The following SLC24A2 variants were observed in gnomAD, a reference collection of about 807,000 sequenced individuals.
SLC24A2 encodes the protein solute carrier family 24 member 2.
In SLC24A2, 36 loss-of-function variants were observed where a neutral mutation model predicts 62.0. That is an observed-to-expected ratio of 0.58 (90% CI 0.44 to 0.77). SLC24A2 has a LOEUF of 0.77. Ranked by LOEUF, SLC24A2 falls within the 30% of genes least tolerant of loss-of-function variation. The probability of loss-of-function intolerance (pLI) is 0.00; values close to 1 mark genes in which losing one functional copy is unlikely to be tolerated. For synonymous variants in SLC24A2, 358 were observed against 294.0 expected (o/e 1.22, Z -2.23); for missense variants, 846 against 817.9 (o/e 1.03, Z -0.42).
At chr9:19,895,515 T>C in the SLC24A2 span, among the ~76,000 whole-genome samples, 1 of 148,480 alleles carries the variant, frequency 6.7e-6, no homozygotes, top group Non-Finnish European at 1.5e-5. Flanking sequence ...ATCTAACACA[T>C]TCCCCTGCCC....
intron 2 of SLC24A2, among the ~76,000 whole-genome samples, chr9:19,730,950 G>T (rs1457357440): frequency 4.0e-5 from 6 of 151,472 alleles, no homozygotes; most frequent in African/African-American, 1.5e-4. Context: ...TCAAGCACCT[G>T]ACCTACTTAA....
chr9:19,951,204 T>C, the SLC24A2 span, among the ~76,000 whole-genome samples: 1 of 151,198 alleles, frequency 6.6e-6, no homozygotes, highest in East Asian at 1.9e-4. Flanking sequence ...TTCTTTAAGA[T>C]TGTATTGTTG....
the SLC24A2 span, among the ~76,000 whole-genome samples, chr9:20,098,657 C>T: frequency 6.6e-6 from 1 of 152,214 alleles, no homozygotes; most frequent in Admixed American, 6.5e-5. Context: ...TGGAAGGAAA[C>T]ATTCAGACCC....
the SLC24A2 span, among the ~76,000 whole-genome samples, chr9:20,172,038 C>A: frequency 6.6e-6 from 1 of 151,884 alleles, no homozygotes; most frequent in Admixed American, 6.6e-5. Flanking sequence ...GTGGAATAAA[C>A]CTGGAAATGA....
rs754058300 is a variant in SLC24A2, at chr9:19,786,165, T to C, written c.702A>G (p.Thr234=). 3 of 1,614,062 alleles carry C rather than the reference T, an allele frequency of 1.9e-6. No individual in the cohort carries two copies. The highest frequency in any genetic ancestry group is 2.2e-5 in the East Asian group (1 of 44,898). ...ACACATCTCGAAAGAGCGGCCACCA[T>C]GTCAGGTTTAAGATTTCTCTAGAAA... ...ALFSREILNL[T]WWPLFRDVSF... Residue 234 remains threonine, a synonymous_variant, in exon 2 of 11, where the codon ACA becomes ACG. Coordinates refer to ENST00000341998, the MANE Select transcript of SLC24A2 (RefSeq NM_020344.4). This position sits in a 1 kb window ranked among gnomAD's most constrained non-coding sequence, Gnocchi z 5.0.
the SLC24A2 span, among the ~76,000 whole-genome samples, chr9:20,052,916 C>T: frequency 1.1e-4 from 17 of 152,154 alleles, no homozygotes; most frequent in Non-Finnish European, 2.2e-4. Flanking sequence ...GACATCCAAT[C>T]GCCCTATGTT....
At chr9:19,804,444 G>A in the SLC24A2 span, among the ~76,000 whole-genome samples, 1 of 151,920 alleles carries the variant, frequency 6.6e-6, no homozygotes, top group African/African-American at 2.4e-5. Context: ...CCTAATTTCA[G>A]TTTTCAATTT....
chr9:19,885,804 G>A, the SLC24A2 span, among the ~76,000 whole-genome samples: 134 of 152,132 alleles, frequency 8.8e-4, 2 homozygotes, highest in South Asian at 7.1e-3. Flanking sequence ...ATCTACCCAC[G>A]TGTTCTCATT....
the SLC24A2 span, among the ~76,000 whole-genome samples, chr9:20,167,252 T>G: frequency 6.6e-6 from 1 of 152,210 alleles, no homozygotes; most frequent in South Asian, 2.1e-4. Flanking sequence ...CAAGCAAATC[T>G]TGAACTCTTT....
the SLC24A2 span, among the ~76,000 whole-genome samples, chr9:20,259,334 G>A: frequency 2.3e-4 from 35 of 152,222 alleles, no homozygotes; most frequent in East Asian, 3.9e-3. Context: ...GAAAATTAAT[G>A]CACACAGATA....
At chr9:19,543,408 G>A (rs1175972064) in intron 8 of SLC24A2, among the ~76,000 whole-genome samples, 23 of 142,658 alleles carry the variant, frequency 1.6e-4, no homozygotes, top group Admixed American at 1.5e-3. Flanking sequence ...TTTTTTTGAA[G>A]GGTTTTTCAT....
chr9:20,199,915 G>A, the SLC24A2 span, among the ~76,000 whole-genome samples: 9 of 130,502 alleles, frequency 6.9e-5, no homozygotes, highest in African/African-American at 2.1e-4. Context: ...TATTTTTATA[G>A]AGACAGGGTT....
chr9:19,600,895 A>G lies in SLC24A2; in HGVS notation c.1079-3616T>C, dbSNP rs375107347. ...GTTTCTGAAAAGGATTTTTAAAGAA[A>G]AACAATAAGCAACCTAGACAAGAGA... On this transcript the variant is annotated intron_variant, in intron 4 of 10. Coordinates refer to ENST00000341998, the MANE Select transcript of SLC24A2 (RefSeq NM_020344.4). Among the ~76,000 whole-genome samples, 6 of 152,216 alleles carry G rather than the reference A, an allele frequency of 3.9e-5. No homozygotes were observed. In the East Asian group the frequency reaches 9.6e-4, roughly 24 times the overall value.
At chr9:20,022,065 T>C in the SLC24A2 span, among the ~76,000 whole-genome samples, 7 of 152,192 alleles carry the variant, frequency 4.6e-5, no homozygotes, top group East Asian at 1.3e-3. Flanking sequence ...ACCAGATACA[T>C]TTTTCCTTCT....
chr9:20,127,058 T>C, the SLC24A2 span, among the ~76,000 whole-genome samples: 1 of 152,080 alleles, frequency 6.6e-6, no homozygotes, highest in South Asian at 2.1e-4. Context: ...TCTTGCCTTC[T>C]CCCCCTTTTC....
At chr9:19,634,026 G>C (rs1818246225) in intron 2 of SLC24A2, among the ~76,000 whole-genome samples, 1 of 152,024 alleles carries the variant, frequency 6.6e-6, no homozygotes, top group South Asian at 2.1e-4. Flanking sequence ...CTGGTGTTGG[G>C]AGCTGAATAT....
chr9:19,673,444 CGT>C (rs58616827), intron 2 of SLC24A2, among the ~76,000 whole-genome samples: 3,859 of 129,756 alleles, frequency 0.03, 504 homozygotes, highest in East Asian at 0.093. Context: ...TGTGTGTGTG[CGT>C]GTGTGTGTGT....
At chr9:20,003,924 G>A in the SLC24A2 span, among the ~76,000 whole-genome samples, 2 of 151,458 alleles carry the variant, frequency 1.3e-5, no homozygotes, top group African/African-American at 4.8e-5. Flanking sequence ...AAACTTGTGT[G>A]ACCATAATGA....
chr9:19,619,870 T>G (rs909982378), intron 3 of SLC24A2, among the ~76,000 whole-genome samples, 178 bp from the exon 4 acceptor site: 2 of 152,216 alleles, frequency 1.3e-5, no homozygotes, highest in Non-Finnish European at 2.9e-5. Context: ...CTCACATTCT[T>G]TCCTACTAAA....
Sources: gnomAD v4.1 joint callset for allele counts (sites outside exome capture counted in the v4.1 genomes callset) on GRCh38, gnomAD v4.1.1 for gene constraint, Gnocchi (gnomAD v3.1) non-coding constraint, MANE v1.5 for transcripts, NCBI Gene and HGNC (gene_info 2026-07-23, HGNC 2026-07-21) for gene names.